The following RP1L1 variants were observed in gnomAD, a reference collection of about 807,000 sequenced individuals.
The protein encoded by RP1L1 is retinitis pigmentosa 1-like 1 protein.
A neutral mutation model predicts 15.7 loss-of-function variants in RP1L1; 27 were observed. The observed-to-expected ratio is 1.72, with a 90% CI of 1.27 to 2.38. The LOEUF is 2.38. Among genes scored for constraint, RP1L1 ranks in the 30% most tolerant of loss-of-function variants. The probability of loss-of-function intolerance (pLI) is 0.00; values close to 1 mark genes in which losing one functional copy is unlikely to be tolerated. For missense variants in RP1L1, 4,798 were observed against 3,075.9 expected, an observed-to-expected ratio of 1.56 and a Z score of -13.24; for synonymous variants, 1,813 against 1,276.7, an observed-to-expected ratio of 1.42 and a Z score of -8.96.
intron 1 of RP1L1, among the ~76,000 whole-genome samples, chr8:10,647,088 G>C (rs560808735): frequency 1.3e-5 from 2 of 152,204 alleles, no homozygotes; most frequent in Non-Finnish European, 2.9e-5. Flanking sequence ...CAGCAGGAAA[G>C]AGCTGTCCCG....
chr8:10,607,142 A>T lies in RP1L1; in HGVS notation c.6956T>A (p.Val2319Glu). 6.2e-7 allele frequency: 1 copy of T among 1,614,252 alleles called. No homozygotes were observed. ...ATCAGGGCTCCTTGTGTCTCCAAGTACATGGTCATTTTCTGAGTCTTTCTG... is the reference window on the plus strand; with the variant it reads ...ATCAGGGCTCCTTGTGTCTCCAAGTTCATGGTCATTTTCTGAGTCTTTCTG... ...CWQKDSENDH[V>E]LGDTRSPDAK... is the part of the protein sequence containing the mutation. The change falls in exon 4 of 4, where the codon GTA becomes GAA. Residue 2319 changes from valine to glutamate, a missense_variant. Coordinates refer to ENST00000382483, the MANE Select transcript of RP1L1 (RefSeq NM_178857.6).
intron 1 of RP1L1, among the ~76,000 whole-genome samples, chr8:10,648,406 G>C (rs999318615): frequency 5.3e-5 from 8 of 151,920 alleles, no homozygotes; most frequent in Non-Finnish European, 1.5e-5. Context: ...TTGTTTTTCA[G>C]TTTAGATTCC....
At chr8:10,637,324 A>T (rs1318848379) in intron 1 of RP1L1, among the ~76,000 whole-genome samples, 1 of 152,268 alleles carries the variant, frequency 6.6e-6, no homozygotes, top group East Asian at 1.9e-4. Context: ...AGTATTTATC[A>T]AATGCACCAC....
chr8:10,645,536 C>G (rs7001281), intron 1 of RP1L1, among the ~76,000 whole-genome samples: 79,941 of 151,954 alleles, frequency 0.53, 22,130 homozygotes, highest in African/African-American at 0.69. Flanking sequence ...TCACTTTGTA[C>G]AGCAGAGTCC....
At position 10,608,936 on chromosome 8, in the gene RP1L1, C is replaced by G. The variant is rs1797769115; in HGVS notation, c.5162G>C (p.Arg1721Thr). Reference protein sequence around the residue: ...GKTHTDPTSTRTVQGAEGGLG... With the variant: ...GKTHTDPTSTTTVQGAEGGLG... ...CCCTCCCTCAGCTCCCTGGACAGTC[C>G]TAGTGCTCGTGGGGTCCGTGTGGGT... The change falls in exon 4 of 4, where the codon AGG becomes ACG. Residue 1721 changes from arginine to threonine, a missense_variant. Transcript: ENST00000382483. 6.2e-7 allele frequency: 1 copy of G among 1,613,972 alleles called. No individual in the cohort carries two copies. Among genetic ancestry groups the G allele is most frequent in the South Asian group, 1.1e-5 (1 of 91,080 alleles).
At position 10,608,168 on chromosome 8, in the gene RP1L1, A is replaced by G. The variant is rs868131431; in HGVS notation, c.5930T>C (p.Val1977Ala). 1 of 1,599,982 alleles carries G rather than the reference A, an allele frequency of 6.3e-7. No homozygotes were observed. Among genetic ancestry groups the G allele is most frequent in the Non-Finnish European group, 8.5e-7 (1 of 1,177,212 alleles). ...CTCCACTTCAACCTCCAGGGCCTCT[A>G]CATCTTCTGACTCTGGCTGGGCTTC... Reference protein sequence around the residue: ...EEEAQPESEDVEALEVEVETQ... With the variant: ...EEEAQPESEDAEALEVEVETQ... Residue 1977 changes from valine to alanine, a missense_variant, in exon 4 of 4, where the codon GTA (valine) becomes GCA (alanine). Coordinates refer to ENST00000382483, the MANE Select transcript of RP1L1 (RefSeq NM_178857.6).
rs757352407 is a variant in RP1L1 at position 10,611,366 on chromosome 8, C to T, written c.2732G>A (p.Ser911Asn). The change falls in exon 4 of 4, where the codon AGC (serine) becomes AAC (asparagine). Residue 911 changes from serine (S) to asparagine (N), a missense_variant. Ser to Asn is a conservative substitution (Grantham distance 46). Transcript: ENST00000382483. Reference protein sequence around the residue: ...PGPNSGASRRSSASQGAGSRG... With the variant: ...PGPNSGASRRNSASQGAGSRG... ...AGACCCCGCACCCTGGCTGGCACTG[C>T]TTCTCCTTGATGCCCCTGAATTGGG... The T allele has an allele frequency of 1.4e-5, 23 of 1,610,310 alleles. No homozygotes were observed. Among genetic ancestry groups the T allele is most frequent in the Non-Finnish European group, 1.8e-5 (21 of 1,179,416 alleles).
intron 1 of RP1L1, among the ~76,000 whole-genome samples, chr8:10,652,878 G>A (rs913005347): frequency 5.9e-5 from 9 of 152,178 alleles, no homozygotes; most frequent in Admixed American, 4.6e-4. Context: ...CAGAGCAGGT[G>A]CCTAGCTAAT....
intron 2 of RP1L1, chr8:10,621,915 T>C (rs994892961): frequency 1.0e-5 from 4 of 399,078 alleles, no homozygotes; most frequent in Non-Finnish European, 2.0e-5. Flanking sequence ...TTCCCAAACA[T>C]GAAGCCCTCC....
Position 10,611,069 on chromosome 8 carries a change from C to T in RP1L1, c.3029G>A (p.Gly1010Glu). 1 of 1,612,828 alleles carries T rather than the reference C, an allele frequency of 6.2e-7. No homozygotes were observed. The highest frequency in any genetic ancestry group is 8.5e-7 in the Non-Finnish European group (1 of 1,180,008). ...GGGGTCCCCTTCCAGGGACTGCTGT[C>T]CCGCCTGAGCTGGCTCCCCCAGGCC... ...LEGLGEPAQA[G>E]QQSLEGDPGQ... Residue 1010 changes from glycine (G) to glutamate (E), a missense_variant, in exon 4 of 4, where the codon GGA (glycine) becomes GAA (glutamate). Transcript: ENST00000382483.
In RP1L1 at chr8:10,609,553, G is replaced by C; in HGVS notation, c.4545C>G (p.Asp1515Glu). 1 of 1,604,558 alleles carries C rather than the reference G, an allele frequency of 6.2e-7. No homozygotes were observed. Among genetic ancestry groups the C allele is most frequent in the Non-Finnish European group, 8.5e-7 (1 of 1,177,078 alleles). ...SVACSAALDC[D>E]PIWVSVLLKK... ...TCAGTAACACGGACACCCAGATGGG[G>C]TCGCAGTCCAGAGCCGCGCTGCAGG... Residue 1515 changes from aspartate (D) to glutamate (E), a missense_variant, in exon 4 of 4, where the codon GAC becomes GAG. By Grantham distance (45) the Asp-to-Glu change is conservative. Transcript: ENST00000382483.
chr8:10,637,270 T>C (rs968675816), intron 1 of RP1L1, among the ~76,000 whole-genome samples: 3 of 152,044 alleles, frequency 2.0e-5, no homozygotes, highest in South Asian at 2.1e-4. Context: ...ATGCGCAGAG[T>C]GGCAAGGTCC....
chr8:10,607,147 G>C lies in RP1L1; in HGVS notation c.6951C>G (p.Asp2317Glu), dbSNP rs1259876408. 2.5e-6 allele frequency: 4 copies of C among 1,614,120 alleles called. No homozygotes were observed. Among genetic ancestry groups the C allele is most frequent in the Admixed American group, 3.3e-5 (2 of 60,004 alleles). The change falls in exon 4 of 4, where the codon GAC (aspartate) becomes GAG (glutamate). Residue 2317 changes from aspartate to glutamate, a missense_variant. By Grantham distance (45) the Asp-to-Glu change is conservative. Coordinates refer to ENST00000382483, the MANE Select transcript of RP1L1 (RefSeq NM_178857.6). The stretch of plus-strand genomic sequence containing the variant: ...GGCTCCTTGTGTCTCCAAGTACATG[G>C]TCATTTTCTGAGTCTTTCTGCCAGC... ...GNCWQKDSEN[D>E]HVLGDTRSPD...
chr8:10,624,492 G>A (rs1325854065), intron 1 of RP1L1, among the ~76,000 whole-genome samples: 1 of 152,218 alleles, frequency 6.6e-6, no homozygotes, highest in Non-Finnish European at 1.5e-5. Flanking sequence ...AGAGACTCCT[G>A]AGCTGAAGCC....
chr8:10,651,743 G>A (rs764039702), intron 1 of RP1L1, among the ~76,000 whole-genome samples: 4 of 144,002 alleles, frequency 2.8e-5, no homozygotes, highest in Admixed American at 7.0e-5. Flanking sequence ...GCAACAGAGC[G>A]AGACTCCGTC....
chr8:10,609,498 G>C lies in RP1L1; in HGVS notation c.4600C>G (p.Leu1534Val). 1.2e-6 allele frequency: 2 copies of C among 1,610,616 alleles called. No homozygotes were observed. Among genetic ancestry groups the C allele is most frequent in the Non-Finnish European group, 8.5e-7 (1 of 1,179,118 alleles). The change falls in exon 4 of 4, where the codon CTT (leucine) becomes GTT (valine). Residue 1534 changes from leucine (L) to valine (V), a missense_variant. Coordinates refer to ENST00000382483, the MANE Select transcript of RP1L1 (RefSeq NM_178857.6). ...KKTEKAFLAH[L>V]ASAVAELRAR... ...CGGAGCTCAGCCACCGCACTGGCAA[G>C]GTGGGCCAGGAAGGCCTTCTCCGTC...
chr8:10,649,219 T>C (rs1368128130), intron 1 of RP1L1, among the ~76,000 whole-genome samples: 1 of 152,198 alleles, frequency 6.6e-6, no homozygotes, highest in Non-Finnish European at 1.5e-5. Flanking sequence ...CCGATTCTAC[T>C]CTCAAGTCCT....
intron 1 of RP1L1, among the ~76,000 whole-genome samples, chr8:10,631,377 A>AC (rs1798247446): frequency 5.1e-4 from 3 of 5,936 alleles, no homozygotes; most frequent in East Asian, 0.056. Flanking sequence ...ACATGCACAC[A>AC]AACACACATG....
rs1353062142 is a variant in RP1L1, at chr8:10,606,748, G to A, written c.*147C>T. 1.5e-6 allele frequency: 2 copies of A among 1,326,464 alleles called. No homozygotes were observed. The highest frequency in any genetic ancestry group is 1.4e-5 in the African/African-American group (1 of 69,060). The allele number at this position is 1,326,464 out of a possible 1,614,324, so 82.2% of individuals were successfully genotyped here. A position where few individuals can be genotyped will look rare whatever the true frequency, so the allele number is the denominator to read the frequency against. ...GACTTAAGAGTCCCAGGACAGCATG[G>A]CATGGGCTGTGTCCTTGGCAAGTCC... On this transcript the variant is annotated 3_prime_UTR_variant, in exon 4 of 4. Transcript: ENST00000382483.
Sources: allele counts gnomAD v4.1 joint callset (sites outside exome capture counted in the v4.1 genomes callset), GRCh38; gene constraint gnomAD v4.1.1; transcripts MANE v1.5; gene names NCBI Gene and HGNC (gene_info 2026-07-23, HGNC 2026-07-21).